FBN2: variants seen among roughly 807,000 people sequenced by gnomAD.
The protein encoded by FBN2 is fibrillin-2.
A neutral mutation model predicts 355.6 loss-of-function variants in FBN2; 105 were observed. The ratio of observed to expected loss-of-function variants is 0.30; its 90% CI spans 0.25 to 0.35. The LOEUF (loss-of-function observed/expected upper bound fraction) is 0.35. Among genes scored for constraint, FBN2 ranks in the 10% least tolerant of loss-of-function variants. The pLI, the probability that FBN2 is intolerant of heterozygous loss-of-function variation, is 1.00. For missense variants in FBN2, 3,280 were observed against 3,758.7 expected, an observed-to-expected ratio of 0.87 and a Z score of 3.33; for synonymous variants, 1,350 against 1,301.2, an observed-to-expected ratio of 1.04 and a Z score of -0.81.
chr5:128,503,739 G>A (rs1434958299), intron 5 of FBN2, among the ~76,000 whole-genome samples: 2 of 152,306 alleles, frequency 1.3e-5, no homozygotes, highest in South Asian at 4.1e-4. Flanking sequence ...GCCTGACAAT[G>A]TGATAGAAAA....
intron 11 of FBN2, among the ~76,000 whole-genome samples, chr5:128,388,611 T>C (rs1196580323): frequency 3.9e-5 from 6 of 152,230 alleles, no homozygotes; most frequent in Admixed American, 1.3e-4. Context: ...TTTGGCTGAA[T>C]ATAAAATTCT....
intron 5 of FBN2, among the ~76,000 whole-genome samples, chr5:128,479,970 CTCTCTCTATATATATATATATATATA>C (rs1310217915): frequency 0.025 from 608 of 24,198 alleles, no homozygotes; most frequent in Non-Finnish European, 0.028. Flanking sequence ...CTCTCTCTCT[CTCTCTCTATATATATATATATATATA>C]TATATATATA....
chr5:128,458,047 T>C (rs1754447953), intron 6 of FBN2, among the ~76,000 whole-genome samples: 1 of 152,134 alleles, frequency 6.6e-6, no homozygotes. Flanking sequence ...GACCCATCGG[T>C]GTGCGTGTGC....
intron 61 of FBN2, 73 bp downstream of exon 61, chr5:128,273,767 A>G: frequency 6.7e-7 from 1 of 1,484,988 alleles, no homozygotes; most frequent in Non-Finnish European, 9.4e-7. Context: ...GATTATACCA[A>G]TTTGTCTTGG....
chr5:128,374,785 G>A (rs1359456951), intron 14 of FBN2, 35 bp from the exon 15 acceptor site: 1 of 1,613,044 alleles, frequency 6.2e-7, no homozygotes, highest in Non-Finnish European at 8.5e-7. Flanking sequence ...AGCAGTTACT[G>A]GGTAAATTTA....
In FBN2 at chr5:128,259,607, GCTT is replaced by G. The variant is rs1394386209; in HGVS notation, c.8584_8586del (p.Lys2862del). On this transcript the variant is annotated inframe_deletion, in exon 65 of 65. Coordinates refer to ENST00000262464, the MANE Select transcript of FBN2 (RefSeq NM_001999.4). Reference sequence around the variant, plus strand: ...TCCAGTGTGTATGTGCCGGGCATGAGCTTCTTCTTGGCCGTGTGCAAGTAGCTG... The same window carrying G: ...TCCAGTGTGTATGTGCCGGGCATGAGCTTCTTGGCCGTGTGCAAGTAGCTG... The G allele has an allele frequency of 5.6e-6, 9 of 1,613,962 alleles. No individual in the cohort carries two copies. The highest frequency in any genetic ancestry group is 6.8e-6 in the Non-Finnish European group (8 of 1,180,028).
In FBN2 at chr5:128,319,021, G is replaced by C; in HGVS notation, c.4472-20C>G. ...CAATATCTGAAGATTTTAAAAAAAA[G>C]TAATCTCTTATTTAAGAAGACATTT... On this transcript the variant is annotated intron_variant, in intron 34 of 64. Transcript: ENST00000262464. 1 of 1,573,178 alleles carries C rather than the reference G, an allele frequency of 6.4e-7. No homozygotes were observed. The highest frequency in any genetic ancestry group is 8.7e-7 in the Non-Finnish European group (1 of 1,143,398).
At chr5:128,365,085 A>G (rs895269157) in intron 17 of FBN2, 1 of 208,092 alleles carries the variant, frequency 4.8e-6, no homozygotes, top group Non-Finnish European at 9.7e-6. Context: ...TCTAACTAAA[A>G]GACAGATTTA....
Position 128,290,802 on chromosome 5 carries a change from T to C in FBN2, c.6375A>G (p.Lys2125=). Residue 2125 remains lysine, a synonymous_variant, in exon 50 of 65, where the codon AAA becomes AAG. Transcript: ENST00000262464. ...CTCCTGGCATCTTACTACAGCAGCA[T>C]TTTGCTTTTGTGGTGTTGAAAGCTT... ...VPKAFNTTKA[K]CCCSKMPGEG... The C allele has an allele frequency of 6.2e-7, 1 of 1,614,140 alleles. No homozygotes were observed. Among genetic ancestry groups the C allele is most frequent in the Non-Finnish European group, 8.5e-7 (1 of 1,179,958 alleles).
intron 32 of FBN2, among the ~76,000 whole-genome samples, 162 bp from the exon 33 acceptor site, chr5:128,330,857 A>T (rs1453782907): frequency 2.0e-5 from 3 of 152,348 alleles, no homozygotes; most frequent in South Asian, 2.1e-4. Context: ...CCAATGTCCA[A>T]TGTCCAGGCT....
At chr5:128,351,358 T>C (rs1209491892) in intron 20 of FBN2, among the ~76,000 whole-genome samples, 1 of 151,832 alleles carries the variant, frequency 6.6e-6, no homozygotes, top group East Asian at 1.9e-4. Context: ...ACCAGCCTGG[T>C]CAACATGGTG....
intron 4 of FBN2, among the ~76,000 whole-genome samples, chr5:128,523,025 A>C (rs978350131): frequency 6.6e-6 from 1 of 152,180 alleles, no homozygotes. Context: ...AAAAGCTCAG[A>C]TATTTAGAGG....
intron 7 of FBN2, 121 bp downstream of exon 7, chr5:128,446,360 G>A: frequency 9.5e-7 from 1 of 1,055,912 alleles, no homozygotes; most frequent in Non-Finnish European, 1.4e-6. Flanking sequence ...TTAAACCTAT[G>A]CTTTCATAGT....
At chr5:128,470,513 G>C (rs891894901) in intron 5 of FBN2, among the ~76,000 whole-genome samples, 2 of 152,158 alleles carry the variant, frequency 1.3e-5, no homozygotes, top group African/African-American at 4.8e-5. Flanking sequence ...CTCATTCAGA[G>C]ATTAGGGTTC....
intron 1 of FBN2, 54 bp downstream of exon 1, chr5:128,537,296 A>AT (rs1302151032): frequency 1.2e-6 from 2 of 1,601,744 alleles, no homozygotes; most frequent in African/African-American, 1.3e-5. Context: ...CAAACTGAGG[A>AT]TTCCCCCCTC....
At chr5:128,391,065 C>A (rs1386745196) in intron 11 of FBN2, among the ~76,000 whole-genome samples, 1 of 152,060 alleles carries the variant, frequency 6.6e-6, no homozygotes, top group East Asian at 1.9e-4. Flanking sequence ...TTACAAAATC[C>A]ACTCAAAGCA....
In FBN2 at chr5:128,460,900, C is replaced by A. The variant is rs540193444; in HGVS notation, c.826+3824G>T. Among the ~76,000 whole-genome samples the A allele has an allele frequency of 3.9e-5, 6 of 152,204 alleles. No homozygotes were observed. In the South Asian group the frequency reaches 1.2e-3, roughly 32 times the overall value. On this transcript the variant is annotated intron_variant, in intron 6 of 64. Transcript: ENST00000262464. Reference sequence around the variant, plus strand: ...TGTAAAATCCAAAACCAAAATAACCCTAGAAGAAAACCTAAGTAATACCAT... The same window carrying A: ...TGTAAAATCCAAAACCAAAATAACCATAGAAGAAAACCTAAGTAATACCAT...
chr5:128,419,475 T>C (rs1284371453), intron 7 of FBN2, among the ~76,000 whole-genome samples: 4 of 152,182 alleles, frequency 2.6e-5, no homozygotes, highest in Admixed American at 6.5e-5. Context: ...GTTGAGTACG[T>C]TCCTTTCTAT....
chr5:128,348,870 A>C (rs1477879321), intron 23 of FBN2, among the ~76,000 whole-genome samples: 2 of 152,172 alleles, frequency 1.3e-5, no homozygotes, highest in Non-Finnish European at 2.9e-5. Context: ...AAAATAAACT[A>C]TTAAGAAAAC....
Sources: gnomAD v4.1 joint callset for allele counts (sites outside exome capture counted in the v4.1 genomes callset) on GRCh38, gnomAD v4.1.1 for gene constraint, MANE v1.5 for transcripts, NCBI Gene and HGNC (gene_info 2026-07-23, HGNC 2026-07-21) for gene names.